PCDHGB2: variants seen among roughly 807,000 people sequenced by gnomAD.
PCDHGB2 encodes protocadherin gamma subfamily B, 2.
Under a neutral mutation model 59.3 loss-of-function variants are expected in PCDHGB2, and 55 were observed. The ratio of observed to expected loss-of-function variants is 0.93; its 90% CI spans 0.75 to 1.16. PCDHGB2 has a LOEUF of 1.16. PCDHGB2 is among the 50% of genes most tolerant of loss of function. The probability of loss-of-function intolerance (pLI) is 0.00; values close to 1 mark genes in which losing one functional copy is unlikely to be tolerated. For synonymous variants in PCDHGB2, 516 were observed against 512.0 expected, an observed-to-expected ratio of 1.01 and a Z score of -0.11; for missense variants, 1,228 against 1,198.5, an observed-to-expected ratio of 1.02 and a Z score of -0.36.
rs2099391747 is a variant in PCDHGB2 at position 141,476,440 on chromosome 5, G to A, written c.2422-18367G>A. Reference sequence around the variant, plus strand: ...CACTGCCCTCTTGCACTGTAACTCTGGAGTTGGTAGTGGAGAACCCGCTGG... The same window carrying A: ...CACTGCCCTCTTGCACTGTAACTCTAGAGTTGGTAGTGGAGAACCCGCTGG... On this transcript the variant is annotated intron_variant, in intron 1 of 3. Transcript: ENST00000522605. The surrounding 1 kb of genome is among the most constrained non-coding windows in gnomAD (Gnocchi z 7.6). 1.2e-6 allele frequency: 2 copies of A among 1,613,998 alleles called. No individual in the cohort carries two copies. Among genetic ancestry groups the A allele is most frequent in the African/African-American group, 2.7e-5 (2 of 74,902 alleles).
intron 1 of PCDHGB2, chr5:141,427,993 C>G: frequency 6.3e-7 from 1 of 1,599,460 alleles, no homozygotes; most frequent in South Asian, 1.1e-5. Flanking sequence ...CCCGATGGCT[C>G]CGCACTCTTC....
intron 3 of PCDHGB2, among the ~76,000 whole-genome samples, chr5:141,507,500 A>G (rs2099861039): frequency 6.6e-6 from 1 of 152,206 alleles, no homozygotes; most frequent in Admixed American, 6.5e-5. Flanking sequence ...GAGCTGTCCC[A>G]GGTCTGGTGG....
intron 1 of PCDHGB2, chr5:141,412,149 C>G (rs1369304212): frequency 2.0e-5 from 3 of 152,146 alleles, no homozygotes; most frequent in African/African-American, 7.2e-5. Flanking sequence ...TACAAACTGC[C>G]TAAGAGAAGA....
In PCDHGB2 at chr5:141,433,056, G is replaced by T. The variant is rs1422450948; in HGVS notation, c.2422-61751G>T. ...TCCCTCACCACGGACTCGCGGAAGA[G>T]TCACCTGATCTTCCCCCAGCCCAAC... On this transcript the variant is annotated intron_variant, in intron 1 of 3. Coordinates refer to ENST00000522605, the MANE Select transcript of PCDHGB2 (RefSeq NM_018923.3). The T allele has an allele frequency of 6.8e-6, 11 of 1,614,086 alleles. No homozygotes were observed. In the South Asian group the frequency reaches 1.1e-4, roughly 16 times the overall value.
chr5:141,413,906 C>G, intron 1 of PCDHGB2: 1 of 1,613,310 alleles, frequency 6.2e-7, no homozygotes. Context: ...GACAACGCGC[C>G]GGTCTTCACC....
At chr5:141,508,961 A>C (rs991011427) in intron 3 of PCDHGB2, among the ~76,000 whole-genome samples, 2 of 151,978 alleles carry the variant, frequency 1.3e-5, no homozygotes, top group African/African-American at 4.8e-5. Context: ...TGTCAGCGGA[A>C]TGAAAGGGCT....
At position 141,408,836 on chromosome 5, in the gene PCDHGB2, T is replaced by C. The variant is rs772595834; in HGVS notation, c.2421+46280T>C. The C allele has an allele frequency of 5.0e-6, 8 of 1,613,680 alleles. No individual in the cohort carries two copies. In the South Asian group the frequency reaches 6.6e-5, roughly 13 times the overall value. ...AGAACAGAGATCTCATAGCTTGATA[T>C]TGACTGCCTTGGACGGAGGGGACCC... On this transcript the variant is annotated intron_variant, in intron 1 of 3. Transcript: ENST00000522605.
intron 1 of PCDHGB2, among the ~76,000 whole-genome samples, chr5:141,481,555 C>T (rs1013876865): frequency 3.3e-5 from 5 of 152,164 alleles, no homozygotes; most frequent in South Asian, 2.1e-4. Flanking sequence ...CAGTGGCTCA[C>T]GCCTGTAATC....
At chr5:141,375,460 C>G (rs184685234) in intron 1 of PCDHGB2, 288 of 1,614,022 alleles carry the variant, frequency 1.8e-4, no homozygotes, top group Non-Finnish European at 2.3e-4. Flanking sequence ...CCTACTCAGT[C>G]TATGTCCTTG....
At chr5:141,389,433 G>C in intron 1 of PCDHGB2, 1 of 1,610,628 alleles carries the variant, frequency 6.2e-7, no homozygotes, top group Non-Finnish European at 8.5e-7. Context: ...CGCGCAGCGC[G>C]CCTTCGACCA....
chr5:141,505,450 G>T lies in PCDHGB2; in HGVS notation c.2538G>T (p.Met846Ile). Residue 846 changes from methionine (M) to isoleucine (I), a missense_variant, in exon 3 of 4, where the codon ATG becomes ATT. By Grantham distance (10) the Met-to-Ile change is conservative (BLOSUM62 1). This residue lies in a region of PCDHGB2 where 433 missense variants were observed against 441.8 expected (regional missense o/e 0.98). Coordinates refer to ENST00000522605, the MANE Select transcript of PCDHGB2 (RefSeq NM_018923.3). ...TWPNNQFDTE[M>I]LQAMILASAS... ...CCAACAACCAGTTTGACACAGAGAT[G>T]CTGCAAGCCATGATCTTGGCGTCCG... 6.2e-7 allele frequency: 1 copy of T among 1,614,194 alleles called. No homozygotes were observed. The highest frequency in any genetic ancestry group is 8.5e-7 in the Non-Finnish European group (1 of 1,180,012).
At chr5:141,422,229 G>C in intron 1 of PCDHGB2, 4 of 1,565,880 alleles carry the variant, frequency 2.6e-6, no homozygotes, top group Non-Finnish European at 3.4e-6. Flanking sequence ...CCACGACGAT[G>C]TTGATCACTG....
chr5:141,395,511 T>G, intron 1 of PCDHGB2: 3 of 425,438 alleles, frequency 7.1e-6, no homozygotes, highest in Non-Finnish European at 1.3e-5. Context: ...AAGAAGTAGC[T>G]ACCCGTCCAT....
Position 141,432,856 on chromosome 5 carries a change from G to A in PCDHGB2, c.2422-61951G>A, listed in dbSNP as rs773243805. 8.7e-6 allele frequency: 14 copies of A among 1,614,024 alleles called. No homozygotes were observed. The highest frequency in any genetic ancestry group is 1.3e-5 in the African/African-American group (1 of 74,908). ...TGTACCTGGTGGTAGCGGTGGCCGC[G>A]GTCTCCTGCGTCTTCCTGGCCTTCG... On this transcript the variant is annotated intron_variant, in intron 1 of 3. Coordinates refer to ENST00000522605, the MANE Select transcript of PCDHGB2 (RefSeq NM_018923.3). The surrounding 1 kb of genome is among the most constrained non-coding windows in gnomAD (Gnocchi z 6.0).
At chr5:141,366,664 G>T (rs1477897734) in intron 1 of PCDHGB2, 2 of 1,614,118 alleles carry the variant, frequency 1.2e-6, no homozygotes, top group African/African-American at 1.3e-5. Context: ...ACGCAGACAC[G>T]CTCCTTAGTG....
At chr5:141,441,537 C>A in intron 1 of PCDHGB2, 1 of 173,250 alleles carries the variant, frequency 5.8e-6, no homozygotes, top group Non-Finnish European at 1.2e-5. Context: ...ACAATCTTCC[C>A]AAAGCCTCCA....
At chr5:141,451,926 T>G (rs994841982) in intron 1 of PCDHGB2, among the ~76,000 whole-genome samples, 5 of 151,122 alleles carry the variant, frequency 3.3e-5, no homozygotes, top group Non-Finnish European at 7.4e-5. Context: ...GGAAGGGAGG[T>G]AGGGAGGCAG....
chr5:141,503,401 C>A (rs987421198), intron 2 of PCDHGB2, among the ~76,000 whole-genome samples: 15 of 151,848 alleles, frequency 9.9e-5, no homozygotes, highest in Non-Finnish European at 1.9e-4. Context: ...TCGAAACCAA[C>A]CTGGCCAATA....
intron 1 of PCDHGB2, chr5:141,366,985 G>T: frequency 8.1e-6 from 4 of 493,386 alleles, no homozygotes; most frequent in Non-Finnish European, 1.4e-5. Flanking sequence ...AAAGGAAAGT[G>T]GTTAAATATA....
Sources: gnomAD v4.1 joint callset for allele counts (sites outside exome capture counted in the v4.1 genomes callset) on GRCh38, gnomAD v4.1.1 for gene constraint, gnomAD v4.1.1 regional missense constraint, Gnocchi (gnomAD v3.1) non-coding constraint, MANE v1.5 for transcripts, NCBI Gene and HGNC (gene_info 2026-07-23, HGNC 2026-07-21) for gene names.